CALCOCO2: variants seen among roughly 807,000 people sequenced by gnomAD.
CALCOCO2 encodes calcium-binding and coiled-coil domain-containing protein 2.
In CALCOCO2, 42 loss-of-function variants were observed where a neutral mutation model predicts 62.5. That is an observed-to-expected ratio of 0.67 (90% CI 0.53 to 0.87). The LOEUF is 0.87. Ranked by LOEUF, CALCOCO2 falls within the 40% of genes least tolerant of loss-of-function variation. The pLI is 0.00. For synonymous variants in CALCOCO2, 167 were observed against 173.0 expected (o/e 0.97, Z 0.27); for missense variants, 456 against 515.0 (o/e 0.89, Z 1.11).
chr17:48,858,053 ATAGAATAGAAT>A, intron 10 of CALCOCO2, among the ~76,000 whole-genome samples: 1 of 141,410 alleles, frequency 7.1e-6, no homozygotes, highest in East Asian at 2.1e-4. Context: ...AGAAAATAGA[ATAGAATAGAAT>A]AGAATAGAAT....
chr17:48,851,354 T>C, intron 6 of CALCOCO2, 177 bp downstream of exon 6: 1 of 624,574 alleles, frequency 1.6e-6, no homozygotes, highest in East Asian at 2.7e-5. Flanking sequence ...TCAGGAAAAA[T>C]GATCTGATTT....
intron 2 of CALCOCO2, chr17:48,846,319 A>T: frequency 3.3e-6 from 2 of 597,676 alleles, no homozygotes; most frequent in Non-Finnish European, 5.9e-6. Context: ...TTTTTAATAC[A>T]TACAAATATG....
At position 48,858,696 on chromosome 17, in the gene CALCOCO2, G is replaced by C. The variant is rs574365753; in HGVS notation, c.1009-1618G>C. Among the ~76,000 whole-genome samples the C allele has an allele frequency of 4.1e-5, 6 of 145,898 alleles. No individual in the cohort carries two copies. In the East Asian group the frequency reaches 5.8e-4, roughly 14 times the overall value. On this transcript the variant is annotated intron_variant, in intron 10 of 12. Transcript: ENST00000258947. ...TGTTTTCCTGAGTTAGTTTGATTGT[G>C]GGGGGGGGCAGGTGCACACACAGTT...
At chr17:48,861,651 ATG>A (rs5820731) in intron 11 of CALCOCO2, among the ~76,000 whole-genome samples, 22,939 of 47,692 alleles carry the variant, frequency 0.48, 2,923 homozygotes, top group East Asian at 0.76. Flanking sequence ...ATATATATAT[ATG>A]TGTGTGTGTA....
intron 1 of CALCOCO2, among the ~76,000 whole-genome samples, chr17:48,834,768 C>T (rs2039867904): frequency 6.6e-6 from 1 of 152,106 alleles, no homozygotes; most frequent in Admixed American, 6.6e-5. Flanking sequence ...TTTTCATGGG[C>T]CAGGTGTAGT....
intron 10 of CALCOCO2, among the ~76,000 whole-genome samples, chr17:48,857,526 G>A (rs1338462414): frequency 5.6e-4 from 11 of 19,666 alleles, no homozygotes; most frequent in Non-Finnish European, 1.0e-3. Flanking sequence ...TTTTTGAGAC[G>A]GAGTCTCACT....
At position 48,862,995 on chromosome 17, in the gene CALCOCO2, ACTCT is replaced by A. The variant is rs775274889; in HGVS notation, c.1336_1339del (p.Leu446GlufsTer15). 6.8e-6 allele frequency: 11 copies of A among 1,611,562 alleles called. 1 individual carries two copies. In the South Asian group the frequency reaches 1.1e-4, roughly 16 times the overall value. ...ATCTTTGAAGACCACGTGTTCTGCCACTCTCTCTGAGTATCCCAACCTCTTGGAT... is the reference window on the plus strand; with the variant it reads ...ATCTTTGAAGACCACGTGTTCTGCCACTCTGAGTATCCCAACCTCTTGGAT... On this transcript the variant is annotated frameshift_variant, in exon 13 of 13. Coordinates refer to ENST00000258947, the MANE Select transcript of CALCOCO2 (RefSeq NM_005831.5). LOFTEE classifies it high-confidence loss of function.
Position 48,864,481 on chromosome 17 carries a change from A to G in CALCOCO2, c.*1476A>G, listed in dbSNP as rs1336436575. 1 of 153,992 alleles carries G rather than the reference A, an allele frequency of 6.5e-6. No individual in the cohort carries two copies. The highest frequency in any genetic ancestry group is 2.4e-5 in the African/African-American group (1 of 41,502). The allele number at this position is 153,992 out of a possible 1,614,324, so 9.5% of individuals were successfully genotyped here. A position where few individuals can be genotyped will look rare whatever the true frequency, so the allele number is the denominator to read the frequency against. On this transcript the variant is annotated 3_prime_UTR_variant, in exon 13 of 13. Transcript: ENST00000258947. ...GCTCTATCCAAATTTGCCTAATTGA[A>G]CTATAAGAAAGTAATAATTCCATTT...
At position 48,843,357 on chromosome 17, in the gene CALCOCO2, C is replaced by T. The variant is rs1471212970; in HGVS notation, c.180+1470C>T. On this transcript the variant is annotated intron_variant, in intron 2 of 12. Coordinates refer to ENST00000258947, the MANE Select transcript of CALCOCO2 (RefSeq NM_005831.5). ...ATAAAGGTCAAATTTAATTAATTTA[C>T]ACTGCCAACTCCCAACGTCAGTGAC... Among the ~76,000 whole-genome samples, 12 of 152,168 alleles carry T rather than the reference C, an allele frequency of 7.9e-5. No individual in the cohort carries two copies. In the South Asian group the frequency reaches 2.1e-3, roughly 26 times the overall value.
chr17:48,841,888 G>A lies in CALCOCO2; in HGVS notation c.180+1G>A. On this transcript the variant is annotated splice_donor_variant, in intron 2 of 12. Transcript: ENST00000258947. LOFTEE classifies it high-confidence loss of function. ...AAAGGATTGGATTGGCATCTTTAGA[G>A]TAAGTGGTTAATTCAGTACCAAGTG... is the stretch of plus-strand genomic sequence containing the variant. 1 of 1,607,084 alleles carries A rather than the reference G, an allele frequency of 6.2e-7. No individual in the cohort carries two copies. Among genetic ancestry groups the A allele is most frequent in the Non-Finnish European group, 8.5e-7 (1 of 1,175,380 alleles).
intron 2 of CALCOCO2, among the ~76,000 whole-genome samples, chr17:48,845,430 AAT>A: frequency 7.0e-6 from 1 of 143,766 alleles, no homozygotes; most frequent in Admixed American, 7.2e-5. Context: ...TGTATTGCCT[AAT>A]TAAATCCTCA....
chr17:48,832,426 G>A (rs183706134), intron 1 of CALCOCO2, among the ~76,000 whole-genome samples: 43 of 152,300 alleles, frequency 2.8e-4, no homozygotes, highest in African/African-American at 9.9e-4. Flanking sequence ...TAATTTGGCA[G>A]TATGTATTGA....
At chr17:48,853,728 A>G (rs762864725) in intron 9 of CALCOCO2, among the ~76,000 whole-genome samples, 13 of 152,262 alleles carry the variant, frequency 8.5e-5, no homozygotes, top group Non-Finnish European at 1.0e-4. Context: ...GACCACAGAA[A>G]TGTTTTAGAA....
intron 1 of CALCOCO2, chr17:48,831,378 G>A (rs2303017): frequency 0.022 from 3,401 of 152,248 alleles, 49 homozygotes; most frequent in Admixed American, 0.037. Context: ...TTGAGGCGGC[G>A]GCTGCCGCCC....
chr17:48,835,996 C>A (rs2039885749), intron 1 of CALCOCO2, among the ~76,000 whole-genome samples: 1 of 152,150 alleles, frequency 6.6e-6, no homozygotes, highest in African/African-American at 2.4e-5. Flanking sequence ...AGTGATCCAC[C>A]CACCTCAGCC....
intron 9 of CALCOCO2, among the ~76,000 whole-genome samples, chr17:48,855,156 TC>T (rs2040195785): frequency 6.6e-6 from 1 of 151,854 alleles, no homozygotes; most frequent in Admixed American, 6.6e-5. Flanking sequence ...AGCATGGGGG[TC>T]CCTGGAAATA....
At chr17:48,847,298 T>C (rs1267381813) in intron 2 of CALCOCO2, among the ~76,000 whole-genome samples, 1 of 152,062 alleles carries the variant, frequency 6.6e-6, no homozygotes, top group African/African-American at 2.4e-5. Context: ...TTGGACACAA[T>C]AGAGGACACA....
intron 9 of CALCOCO2, 70 bp downstream of exon 9, chr17:48,853,082 A>AT (rs1156929762): frequency 2.1e-5 from 22 of 1,025,188 alleles, no homozygotes; most frequent in Non-Finnish European, 2.9e-5. Context: ...ATATGGGCCT[A>AT]TTTTCCGGTT....
At chr17:48,853,177 T>G in intron 9 of CALCOCO2, 165 bp downstream of exon 9, 1 of 578,614 alleles carries the variant, frequency 1.7e-6, no homozygotes, top group South Asian at 2.1e-5. Flanking sequence ...ATTTATAAAA[T>G]GTTTAGAAGT....
Sources: allele counts gnomAD v4.1 joint callset (sites outside exome capture counted in the v4.1 genomes callset), GRCh38; gene constraint gnomAD v4.1.1; transcripts MANE v1.5; gene names NCBI Gene and HGNC (gene_info 2026-07-23, HGNC 2026-07-21).